Variants in MYLK observed in about 807,000 individuals in gnomAD.
The protein encoded by MYLK is myosin light chain kinase, smooth muscle.
Under a neutral mutation model 203.4 loss-of-function variants are expected in MYLK, and 106 were observed. The observed-to-expected ratio is 0.52, with a 90% CI of 0.45 to 0.61. The LOEUF is 0.61. MYLK is among the 20% of genes least tolerant of loss of function. MYLK has a pLI of 0.00. For synonymous variants in MYLK, 867 were observed against 959.5 expected (o/e 0.90, Z 1.78); for missense variants, 2,072 against 2,442.3 (o/e 0.85, Z 3.20).
intron 3 of MYLK, among the ~76,000 whole-genome samples, chr3:123,823,684 G>A (rs1403541348): frequency 1.3e-5 from 2 of 152,128 alleles, no homozygotes; most frequent in Admixed American, 1.3e-4. Flanking sequence ...AGATTGCGGT[G>A]CTCCCCACTT....
intron 2 of MYLK, among the ~76,000 whole-genome samples, chr3:123,866,284 T>C (rs2032319774): frequency 6.6e-6 from 1 of 152,200 alleles, no homozygotes; most frequent in South Asian, 2.1e-4. Context: ...TGGGCAGTCT[T>C]GGCTAGGGGG....
At chr3:123,668,255 G>A (rs1020186770) in intron 20 of MYLK, among the ~76,000 whole-genome samples, 1 of 152,140 alleles carries the variant, frequency 6.6e-6, no homozygotes, top group African/African-American at 2.4e-5. Context: ...TATTTGCAGT[G>A]GCCTTATTCA....
At chr3:123,647,129 C>T (rs1239568309) in intron 27 of MYLK, 95 bp downstream of exon 27, 2 of 1,151,090 alleles carry the variant, frequency 1.7e-6, no homozygotes, top group East Asian at 4.9e-5. Context: ...GCAGTGCTTT[C>T]CATCTTGGGG....
chr3:123,679,252 A>G (rs1294656883), intron 20 of MYLK, among the ~76,000 whole-genome samples: 1 of 149,774 alleles, frequency 6.7e-6, no homozygotes, highest in African/African-American at 2.5e-5. Flanking sequence ...GGTTGTAGTG[A>G]GCGGAGATCG....
intron 4 of MYLK, among the ~76,000 whole-genome samples, chr3:123,769,802 G>T (rs1008197728): frequency 1.3e-5 from 2 of 152,166 alleles, no homozygotes; most frequent in African/African-American, 2.4e-5. Context: ...GCACATAGTA[G>T]GTGATCAATA....
intron 13 of MYLK, among the ~76,000 whole-genome samples, chr3:123,718,907 T>C (rs2061995856): frequency 1.3e-5 from 2 of 152,084 alleles, no homozygotes; most frequent in South Asian, 2.1e-4. Context: ...CTGATCAATA[T>C]AGGCGCGCAG....
chr3:123,704,747 CA>C (rs5852352), intron 16 of MYLK, among the ~76,000 whole-genome samples: 53,351 of 87,766 alleles, frequency 0.61, 16,416 homozygotes, highest in Non-Finnish European at 0.75. Context: ...ACTAAAAATA[CA>C]AAAAAAAAAA....
chr3:123,706,036 A>G (rs2061449317), intron 16 of MYLK, among the ~76,000 whole-genome samples: 1 of 152,102 alleles, frequency 6.6e-6, no homozygotes, highest in African/African-American at 2.4e-5. Context: ...CATAATGCAA[A>G]GGCAGTTGAT....
chr3:123,666,475 A>AG, intron 21 of MYLK, 129 bp from the exon 22 acceptor site: 1 of 1,284,214 alleles, frequency 7.8e-7, no homozygotes, highest in Non-Finnish European at 1.1e-6. Context: ...GGTAAGACTG[A>AG]GGGGCAGTGA....
At chr3:123,879,612 C>T (rs761963151) in intron 1 of MYLK, among the ~76,000 whole-genome samples, 4 of 152,140 alleles carry the variant, frequency 2.6e-5, no homozygotes, top group Non-Finnish European at 4.4e-5. Context: ...AGCATAGACA[C>T]ATTACCTTTG....
chr3:123,700,957 A>T lies in MYLK; in HGVS notation c.2511T>A (p.Gly837=). ...SCEDLCGGGV[G]ADGGGSDRYG... ...AGCGGTCACTACCACCACCATCAGC[A>T]CCAACTCCTCCACCACAGAGGTCCT... The change falls in exon 18 of 34, where the codon GGT becomes GGA. Residue 837 remains glycine, a synonymous_variant. Coordinates refer to ENST00000360304, the MANE Select transcript of MYLK (RefSeq NM_053025.4). The T allele has an allele frequency of 6.2e-7, 1 of 1,609,728 alleles. No homozygotes were observed. Among genetic ancestry groups the T allele is most frequent in the Non-Finnish European group, 8.5e-7 (1 of 1,179,938 alleles).
Position 123,732,872 on chromosome 3 carries a change from GGTGACCTGGAGAAGTGT to G in MYLK, c.1516+7_1516+23del, listed in dbSNP as rs2062531233. The stretch of plus-strand genomic sequence containing the variant: ...AATGGTTGTCCCACAGAGAATGCGG[GGTGACCTGGAGAAGTGT>G]ACTCACTTTCCACTTGGAGGGTCCA... On this transcript the variant is annotated splice_region_variant and intron_variant, in intron 11 of 33. Transcript: ENST00000360304. The G allele has an allele frequency of 6.2e-7, 1 of 1,608,032 alleles. No individual in the cohort carries two copies. The highest frequency in any genetic ancestry group is 8.5e-7 in the Non-Finnish European group (1 of 1,175,226).
chr3:123,701,497 G>A lies in MYLK; in HGVS notation c.2403C>T (p.Gly801=), dbSNP rs752536081. 2.2e-5 allele frequency: 36 copies of A among 1,613,796 alleles called. No individual in the cohort carries two copies. The highest frequency in any genetic ancestry group is 2.7e-5 in the Non-Finnish European group (32 of 1,179,988). ...QYEILLKNRV[G]ECSCQVSLML... ...TCAGTGACACCTGGCAACTGCATTC[G>A]CCAACCCGGTTCCTGAAGAATTCCA... is the stretch of plus-strand genomic sequence containing the variant. The change falls in exon 17 of 34, where the codon GGC becomes GGT. Residue 801 remains glycine (G), a synonymous_variant. Coordinates refer to ENST00000360304, the MANE Select transcript of MYLK (RefSeq NM_053025.4).
At chr3:123,677,918 T>TATATATATATATATATATATATATAC (rs1273803739) in intron 20 of MYLK, among the ~76,000 whole-genome samples, 8 of 78,878 alleles carry the variant, frequency 1.0e-4, no homozygotes, top group African/African-American at 1.2e-4. Context: ...TATATATATA[T>TATATATATATATATATATATATATAC]ACACACACAC....
At chr3:123,753,926 C>A (rs768805596) in intron 4 of MYLK, among the ~76,000 whole-genome samples, 1 of 152,282 alleles carries the variant, frequency 6.6e-6, no homozygotes, top group African/African-American at 2.4e-5. Flanking sequence ...CACTGAATGA[C>A]CCCCAAATTG....
chr3:123,647,477 C>T (rs530473365), intron 26 of MYLK, 50 bp from the exon 27 acceptor site: 105 of 1,582,998 alleles, frequency 6.6e-5, no homozygotes, highest in Middle Eastern at 1.7e-4. Context: ...CCAAGCTTTC[C>T]GCTAACTTGG....
At chr3:123,776,202 C>A (rs1332128625) in intron 4 of MYLK, among the ~76,000 whole-genome samples, 1 of 152,158 alleles carries the variant, frequency 6.6e-6, no homozygotes, top group Non-Finnish European at 1.5e-5. Flanking sequence ...TGGAGGGAAC[C>A]AAGCTACGAG....
At chr3:123,638,325 G>A in intron 28 of MYLK, 131 bp from the exon 29 acceptor site, 1 of 1,320,790 alleles carries the variant, frequency 7.6e-7, no homozygotes, top group Non-Finnish European at 1.1e-6. Context: ...CAGAGAACAG[G>A]CACAGAGACA....
intron 1 of MYLK, among the ~76,000 whole-genome samples, chr3:123,879,757 C>T (rs2148727693): frequency 6.6e-6 from 1 of 152,294 alleles, no homozygotes; most frequent in Middle Eastern, 3.4e-3. Context: ...GCCTCAGCCT[C>T]CCGAGTTGCT....
Sources: gnomAD v4.1 joint callset for allele counts (sites outside exome capture counted in the v4.1 genomes callset) on GRCh38, gnomAD v4.1.1 for gene constraint, MANE v1.5 for transcripts, NCBI Gene and HGNC (gene_info 2026-07-23, HGNC 2026-07-21) for gene names.